Variants in METTL16 observed in about 807,000 individuals in gnomAD.
The protein encoded by METTL16 is methyltransferase 16, RNA N6-adenosine, also known as RNA N(6)-adenosine-methyltransferase METTL16.
Under a neutral mutation model 57.9 loss-of-function variants are expected in METTL16, and 19 were observed. That is an observed-to-expected ratio of 0.33 (90% CI 0.23 to 0.48). The LOEUF is 0.48. Among genes scored for constraint, METTL16 ranks in the 20% least tolerant of loss-of-function variants. The probability of loss-of-function intolerance (pLI) is 0.99; values close to 1 mark genes in which losing one functional copy is unlikely to be tolerated. For missense variants in METTL16, 434 were observed against 691.5 expected (o/e 0.63, Z 4.18); for synonymous variants, 246 against 255.6 (o/e 0.96, Z 0.36).
intron 2 of METTL16, among the ~76,000 whole-genome samples, chr17:2,490,656 T>A (rs1417812656): frequency 6.6e-6 from 1 of 152,056 alleles, no homozygotes; most frequent in East Asian, 1.9e-4. Context: ...AGAAAACAGG[T>A]CCTTGGTTCT....
chr17:2,502,969 G>C (rs967952325), intron 1 of METTL16, among the ~76,000 whole-genome samples: 1 of 152,184 alleles, frequency 6.6e-6, no homozygotes, highest in Non-Finnish European at 1.5e-5. Flanking sequence ...AGGATGTGAA[G>C]AAATTGGAGT....
At chr17:2,427,505 A>T (rs1439578692) in intron 8 of METTL16, among the ~76,000 whole-genome samples, 5 of 152,222 alleles carry the variant, frequency 3.3e-5, no homozygotes, top group Non-Finnish European at 7.3e-5. Context: ...TATTTTCAGA[A>T]ATCACTTTGT....
intron 3 of METTL16, 126 bp downstream of exon 3, chr17:2,477,560 C>T (rs2067276948): frequency 1.4e-6 from 1 of 706,844 alleles, no homozygotes; most frequent in Non-Finnish European, 2.4e-6. Context: ...TAAGGATGCT[C>T]AACCTGTATC....
At position 2,458,336 on chromosome 17, in the gene METTL16, A is replaced by C. The variant is rs1189216998; in HGVS notation, c.728+5872T>G. Among the ~76,000 whole-genome samples, 4 of 152,134 alleles carry C rather than the reference A, an allele frequency of 2.6e-5. No homozygotes were observed. In the East Asian group the frequency reaches 7.7e-4, roughly 29 times the overall value. On this transcript the variant is annotated intron_variant, in intron 6 of 9. Coordinates refer to ENST00000263092, the MANE Select transcript of METTL16 (RefSeq NM_024086.4). Reference sequence around the variant, plus strand: ...GCCTAAAATCATTGCCATAAAGGGCATCAGTTATAGAACTGGTAACCAATG... The same window carrying C: ...GCCTAAAATCATTGCCATAAAGGGCCTCAGTTATAGAACTGGTAACCAATG...
intron 8 of METTL16, among the ~76,000 whole-genome samples, chr17:2,431,865 TAAC>T (rs1053579159): frequency 2.0e-5 from 3 of 152,116 alleles, no homozygotes; most frequent in Non-Finnish European, 2.9e-5. Flanking sequence ...GCAAGAGAAA[TAAC>T]AACAAGGATA....
chr17:2,479,661 T>A (rs114118086), intron 2 of METTL16, among the ~76,000 whole-genome samples: 2,275 of 152,156 alleles, frequency 0.015, 57 homozygotes, highest in African/African-American at 0.051. Flanking sequence ...TTGGAAAAAT[T>A]CAATGTCCAT....
chr17:2,421,863 C>T (rs909494746), intron 8 of METTL16, among the ~76,000 whole-genome samples: 1 of 152,110 alleles, frequency 6.6e-6, no homozygotes. Flanking sequence ...CTAAGCACTG[C>T]CTTTTAGCTG....
chr17:2,426,621 C>T (rs558143398), intron 8 of METTL16, among the ~76,000 whole-genome samples: 14 of 146,992 alleles, frequency 9.5e-5, no homozygotes, highest in Non-Finnish European at 1.5e-4. Flanking sequence ...CCCAGCTACT[C>T]GGCAGGCTGA....
At chr17:2,506,789 C>T (rs2067540629) in intron 1 of METTL16, among the ~76,000 whole-genome samples, 2 of 151,528 alleles carry the variant, frequency 1.3e-5, no homozygotes, top group African/African-American at 4.9e-5. Context: ...GCTGCCCAGT[C>T]TGGAAAGTGA....
intron 8 of METTL16, 125 bp downstream of exon 8, chr17:2,437,984 A>C: frequency 1.4e-6 from 1 of 725,642 alleles, no homozygotes; most frequent in Non-Finnish European, 2.5e-6. Flanking sequence ...ACCCCTTTCC[A>C]TTCTGACATA....
At chr17:2,472,248 C>A (rs1393526998) in intron 4 of METTL16, among the ~76,000 whole-genome samples, 3 of 152,142 alleles carry the variant, frequency 2.0e-5, no homozygotes. Context: ...AATACCACTA[C>A]ACGCCTATTA....
In METTL16 at chr17:2,441,577, A is replaced by C. The variant is rs1232557601; in HGVS notation, c.729-18T>G. ...TATACCATCTAGGAAAAAAAAAATC[A>C]GACAAGTAAATACGGTTTATGTGGT... On this transcript the variant is annotated intron_variant, in intron 6 of 9. Transcript: ENST00000263092. 1 of 1,528,398 alleles carries C rather than the reference A, an allele frequency of 6.5e-7. No individual in the cohort carries two copies. The highest frequency in any genetic ancestry group is 2.0e-5 in the Admixed American group (1 of 49,024). 94.7% of individuals were successfully genotyped at this position (1,528,398 alleles called of 1,614,324 possible).
chr17:2,485,793 G>A (rs144104559), intron 2 of METTL16, among the ~76,000 whole-genome samples: 1 of 152,260 alleles, frequency 6.6e-6, no homozygotes, highest in East Asian at 1.9e-4. Context: ...GTCTGGCGGA[G>A]GATAGGTATT....
chr17:2,437,563 T>C (rs1823785390), intron 8 of METTL16, among the ~76,000 whole-genome samples: 1 of 152,218 alleles, frequency 6.6e-6, no homozygotes. Context: ...TCATTTTTAA[T>C]ATTTTTGAGA....
At chr17:2,456,960 T>A (rs2067115331) in intron 6 of METTL16, among the ~76,000 whole-genome samples, 1 of 151,374 alleles carries the variant, frequency 6.6e-6, no homozygotes, top group Admixed American at 6.6e-5. Context: ...TTTTTTTTTT[T>A]AAATGCCAAA....
intron 2 of METTL16, among the ~76,000 whole-genome samples, chr17:2,497,257 T>G (rs1255046803): frequency 2.7e-5 from 4 of 149,768 alleles, no homozygotes; most frequent in Admixed American, 2.7e-4. Context: ...CCGCCCACCT[T>G]GGCCTCCCAA....
intron 6 of METTL16, among the ~76,000 whole-genome samples, chr17:2,448,900 G>A (rs752134935): frequency 6.1e-5 from 9 of 147,308 alleles, no homozygotes; most frequent in African/African-American, 2.5e-5. Context: ...GGTGGTGCGC[G>A]CCTGTAGTCC....
At chr17:2,494,268 C>CA (rs2067424143) in intron 2 of METTL16, among the ~76,000 whole-genome samples, 1 of 152,148 alleles carries the variant, frequency 6.6e-6, no homozygotes. Flanking sequence ...GTGATCCACC[C>CA]ACCTTGGCCT....
intron 1 of METTL16, among the ~76,000 whole-genome samples, chr17:2,506,274 C>T (rs975835853): frequency 1.5e-5 from 2 of 131,636 alleles, no homozygotes; most frequent in Admixed American, 7.7e-5. Flanking sequence ...CTCTCCCTCT[C>T]CCCACGGTCT....
Sources: allele counts gnomAD v4.1 joint callset (sites outside exome capture counted in the v4.1 genomes callset), GRCh38; gene constraint gnomAD v4.1.1; transcripts MANE v1.5; gene names NCBI Gene and HGNC (gene_info 2026-07-23, HGNC 2026-07-21).